Variants in ANKRD42 observed in about 807,000 individuals in gnomAD.
ANKRD42 encodes the protein ankyrin repeat domain-containing protein 42.
ANKRD42 carries 43 observed loss-of-function variants against 51.5 expected under a neutral mutation model. The ratio of observed to expected loss-of-function variants is 0.83; its 90% CI spans 0.65 to 1.08. The LOEUF (loss-of-function observed/expected upper bound fraction) is 1.08. Ranked by LOEUF, ANKRD42 falls within the 50% of genes least tolerant of loss-of-function variation. ANKRD42 has a pLI of 0.00. For missense variants in ANKRD42, 608 were observed against 629.3 expected (o/e 0.97, Z 0.36); for synonymous variants, 203 against 213.0 (o/e 0.95, Z 0.41).
downstream of ANKRD42, among the ~76,000 whole-genome samples, chr11:83,249,490 G>A (rs1302331910): frequency 2.0e-5 from 3 of 152,240 alleles, no homozygotes; most frequent in East Asian, 1.9e-4. Flanking sequence ...GGGTGGTCAC[G>A]CAAGCTGCAC....
chr11:83,213,256 G>T lies in ANKRD42; in HGVS notation c.586+1826G>T. The T allele has an allele frequency of 3.8e-6, 6 of 1,597,488 alleles. No individual in the cohort carries two copies. In the South Asian group the frequency reaches 6.6e-5, roughly 18 times the overall value. ...AGTTCCTGGTCCACAACATCAAGGA[G>T]CTGGAAGTGCTGCTGATGTGCAACA... On this transcript the variant is annotated intron_variant, in intron 5 of 10. Transcript: ENST00000533342.
In ANKRD42 at chr11:83,238,552, C is replaced by T. The variant is rs796929473; in HGVS notation, c.1019+2043C>T. Among the ~76,000 whole-genome samples, 12 of 152,052 alleles carry T rather than the reference C, an allele frequency of 7.9e-5. 1 individual carries two copies. Among genetic ancestry groups the T allele is most frequent in the African/African-American group, 2.7e-4 (11 of 41,506 alleles). ...TCTACTAAAAAGGAAAAGTTCAGGCCGGGCATGGTGGCTCATGCCTGTAAT... is the reference window on the plus strand; with the variant it reads ...TCTACTAAAAAGGAAAAGTTCAGGCTGGGCATGGTGGCTCATGCCTGTAAT... On this transcript the variant is annotated intron_variant, in intron 8 of 10. Transcript: ENST00000533342.
chr11:83,260,751 G>C (rs1386706149), downstream of ANKRD42: 1 of 151,990 alleles, frequency 6.6e-6, no homozygotes, highest in Non-Finnish European at 1.5e-5. Context: ...AAGATGAAAA[G>C]GATATTTTAA....
intron 11 of ANKRD42, among the ~76,000 whole-genome samples, chr11:83,254,623 G>A (rs1863734710): frequency 6.6e-6 from 1 of 151,856 alleles, no homozygotes; most frequent in Non-Finnish European, 1.5e-5. Flanking sequence ...CGGAGATAGG[G>A]TTGGCCAGGC....
intron 7 of ANKRD42, among the ~76,000 whole-genome samples, chr11:83,234,394 T>A (rs1485466759): frequency 6.6e-6 from 1 of 152,218 alleles, no homozygotes. Context: ...GAACTATGAC[T>A]TCTCCTTTTT....
intron 9 of ANKRD42, 146 bp downstream of exon 9, chr11:83,241,080 G>A (rs1863372517): frequency 3.3e-6 from 3 of 914,294 alleles, no homozygotes; most frequent in Non-Finnish European, 3.2e-6. Context: ...ACTAATATAA[G>A]TTTTTGTACT....
chr11:83,236,515 A>T lies in ANKRD42; in HGVS notation c.1019+6A>T, dbSNP rs755650275. 16 of 1,597,676 alleles carry T rather than the reference A, an allele frequency of 1.0e-5. No individual in the cohort carries two copies. The highest frequency in any genetic ancestry group is 1.7e-5 in the Admixed American group (1 of 57,680). On this transcript the variant is annotated splice_donor_region_variant and intron_variant, in intron 8 of 10. Transcript: ENST00000533342. The stretch of plus-strand genomic sequence containing the variant: ...CCCAGTGATGTGGCAAAGAGGTATA[A>T]ATCTCTGTCTTCTTTACTCCTTTCT...
chr11:83,244,250 G>A (rs561422260), intron 9 of ANKRD42, among the ~76,000 whole-genome samples: 281 of 152,226 alleles, frequency 1.8e-3, no homozygotes, highest in African/African-American at 6.5e-3. Flanking sequence ...CAAAGTGCTG[G>A]GGTTATAGGC....
chr11:83,201,422 G>T (rs1861868554), intron 2 of ANKRD42, among the ~76,000 whole-genome samples: 1 of 152,160 alleles, frequency 6.6e-6, no homozygotes, highest in Admixed American at 6.5e-5. Flanking sequence ...TTGGTTCCAA[G>T]TCTTTGCTAT....
chr11:83,240,759 G>C lies in ANKRD42; in HGVS notation c.1020G>C (p.Arg340Ser). Residue 340 changes from arginine to serine, a missense_variant and splice_region_variant, in exon 9 of 11, where the codon AGG (arginine) becomes AGC (serine). By Grantham distance (110) the Arg-to-Ser change is moderately radical (BLOSUM62 -1). Coordinates refer to ENST00000533342, the MANE Select transcript of ANKRD42 (RefSeq NM_001300975.2). ...GTTAGTTATTGATTCTTTTCTACAGGTTTGCCCATTTGGCAGCAGTGAAGC... is the reference window on the plus strand; with the variant it reads ...GTTAGTTATTGATTCTTTTCTACAGCTTTGCCCATTTGGCAGCAGTGAAGC... ...AGERPSDVAK[R>S]FAHLAAVKLL... 1.2e-6 allele frequency: 2 copies of C among 1,613,738 alleles called. No individual in the cohort carries two copies. The highest frequency in any genetic ancestry group is 1.7e-6 in the Non-Finnish European group (2 of 1,179,896).
At chr11:83,228,254 T>C (rs1341460500) in intron 7 of ANKRD42, among the ~76,000 whole-genome samples, 6 of 130,512 alleles carry the variant, frequency 4.6e-5, no homozygotes, top group South Asian at 2.6e-4. Flanking sequence ...TTTTTTTTTT[T>C]TTTTTTTTTT....
chr11:83,235,625 A>C (rs912245849), intron 7 of ANKRD42, among the ~76,000 whole-genome samples: 2 of 152,220 alleles, frequency 1.3e-5, no homozygotes, highest in African/African-American at 4.8e-5. Context: ...CCCTGTCCTC[A>C]CATCTTATTG....
chr11:83,255,510 A>T (rs1239831543), intron 11 of ANKRD42, among the ~76,000 whole-genome samples: 2 of 152,214 alleles, frequency 1.3e-5, no homozygotes, highest in African/African-American at 2.4e-5. Context: ...GTTGTTAAAT[A>T]TTAGTGTCTG....
intron 7 of ANKRD42, among the ~76,000 whole-genome samples, chr11:83,228,660 G>C (rs762269017): frequency 6.6e-6 from 1 of 152,146 alleles, no homozygotes; most frequent in Non-Finnish European, 1.5e-5. Context: ...TGTTCCCATT[G>C]GTTAGGTTTT....
At chr11:83,205,984 A>C in intron 2 of ANKRD42, 74 bp from the exon 3 acceptor site, 1 of 1,326,244 alleles carries the variant, frequency 7.5e-7, no homozygotes, top group Non-Finnish European at 1.1e-6. Flanking sequence ...ATTTTATGAT[A>C]ACAGACCAAA....
At chr11:83,204,638 TA>T (rs971566242) in intron 2 of ANKRD42, among the ~76,000 whole-genome samples, 8 of 146,366 alleles carry the variant, frequency 5.5e-5, no homozygotes, top group East Asian at 2.0e-4. Flanking sequence ...AATCTAAAAT[TA>T]AAAAAAAAAG....
intron 6 of ANKRD42, among the ~76,000 whole-genome samples, chr11:83,225,276 A>T (rs1862842609): frequency 6.6e-6 from 1 of 152,232 alleles, no homozygotes; most frequent in South Asian, 2.1e-4. Flanking sequence ...TTAGACAAAA[A>T]TGTGTAGAGG....
At chr11:83,226,236 CACAT>C (rs1862881517) in intron 6 of ANKRD42, among the ~76,000 whole-genome samples, 2 of 152,158 alleles carry the variant, frequency 1.3e-5, no homozygotes, top group Middle Eastern at 3.4e-3. Flanking sequence ...CATACACACA[CACAT>C]ACACACACAC....
At chr11:83,259,369 T>TA (rs1169251836), downstream of ANKRD42, 1 of 152,200 alleles carries the variant, frequency 6.6e-6, no homozygotes, top group Admixed American at 6.6e-5. Context: ...ATATAGGATC[T>TA]AAAAGTAATG....
Sources: allele counts gnomAD v4.1 joint callset (sites outside exome capture counted in the v4.1 genomes callset), GRCh38; gene constraint gnomAD v4.1.1; transcripts MANE v1.5; gene names NCBI Gene and HGNC (gene_info 2026-07-23, HGNC 2026-07-21).